CNGB3: variants seen among roughly 807,000 people sequenced by gnomAD.
CNGB3 encodes the protein cyclic nucleotide-gated channel beta-3.
In CNGB3, 86 loss-of-function variants were observed where a neutral mutation model predicts 92.8. The ratio of observed to expected loss-of-function variants is 0.93; its 90% CI spans 0.78 to 1.11. The LOEUF is 1.11. Ranked by LOEUF, CNGB3 falls within the 50% of genes least tolerant of loss-of-function variation. The probability of loss-of-function intolerance (pLI) is 0.00; values close to 1 mark genes in which losing one functional copy is unlikely to be tolerated. For synonymous variants in CNGB3, 333 were observed against 332.7 expected (o/e 1.00, Z -0.01); for missense variants, 1,026 against 956.8 (o/e 1.07, Z -0.95).
intron 6 of CNGB3, among the ~76,000 whole-genome samples, chr8:86,662,104 G>A (rs1034461497): frequency 2.0e-5 from 3 of 152,240 alleles, no homozygotes; most frequent in Non-Finnish European, 4.4e-5. Flanking sequence ...AGCTGAGCAT[G>A]GGGCGCCACT....
intron 15 of CNGB3, among the ~76,000 whole-genome samples, chr8:86,582,017 AATT>A (rs1821795978): frequency 6.6e-6 from 1 of 152,220 alleles, no homozygotes; most frequent in African/African-American, 2.4e-5. Flanking sequence ...AAAACAAAAA[AATT>A]ATAAGGAATT....
In CNGB3 at chr8:86,579,140, G is replaced by A; in HGVS notation, c.1894C>T (p.Pro632Ser). ...TTCATGAGGATCCTTTCAGAATCTGGATAATGCACTAGAATTTCTTGGAGG... is the reference window on the plus strand; with the variant it reads ...TTCATGAGGATCCTTTCAGAATCTGAATAATGCACTAGAATTTCTTGGAGG... ...KTLQEILVHY[P>S]DSERILMKKA... Residue 632 changes from proline (P) to serine (S), a missense_variant, in exon 16 of 18, where the codon CCA becomes TCA. Pro to Ser is a moderately conservative substitution (Grantham distance 74). Coordinates refer to ENST00000320005, the MANE Select transcript of CNGB3 (RefSeq NM_019098.5). The A allele has an allele frequency of 6.2e-7, 1 of 1,614,104 alleles. No individual in the cohort carries two copies. Among genetic ancestry groups the A allele is most frequent in the Non-Finnish European group, 8.5e-7 (1 of 1,180,024 alleles).
rs58954559 is a variant in CNGB3 at position 86,731,489 on chromosome 8, G to A, written c.212-4832C>T. ...AGAAAAAGAACGTGGATCCATCTAA[G>A]TTAGTTTTGTTACTGTGTCAGGATG... On this transcript the variant is annotated intron_variant, in intron 2 of 17. Transcript: ENST00000320005. 8.7e-3 allele frequency among the ~76,000 whole-genome samples: 1,318 copies of A among 152,254 alleles called. 24 individuals are homozygous for A. The highest frequency in any genetic ancestry group is 0.03 in the African/African-American group (1,259 of 41,540).
rs202063704 is a variant in CNGB3, at chr8:86,612,187, G to GA, written c.1579-517dup. On this transcript the variant is annotated intron_variant, in intron 13 of 17. Coordinates refer to ENST00000320005, the MANE Select transcript of CNGB3 (RefSeq NM_019098.5). ...AACTCAATTATCTTCTTAAGGCAGGGAAAAAAAAAGTACACAATAGATACA... is the reference window on the plus strand; with the variant it reads ...AACTCAATTATCTTCTTAAGGCAGGGAAAAAAAAAAGTACACAATAGATACA... Among the ~76,000 whole-genome samples, 16 of 150,144 alleles carry GA rather than the reference G, an allele frequency of 1.1e-4. No individual in the cohort carries two copies. The East Asian group carries it at 2.1e-3, about 20-fold the overall frequency.
At chr8:86,676,168 C>T (rs565183174) in intron 3 of CNGB3, among the ~76,000 whole-genome samples, 29 of 152,206 alleles carry the variant, frequency 1.9e-4, no homozygotes, top group South Asian at 2.1e-4. Flanking sequence ...TTGACGTGCA[C>T]GCAGGGATAA....
At position 86,635,620 on chromosome 8, in the gene CNGB3, T is replaced by C. The variant is rs113739168; in HGVS notation, c.1179-2727A>G. Among the ~76,000 whole-genome samples the C allele has an allele frequency of 7.6e-4, 115 of 151,664 alleles. 1 individual carries two copies. In the South Asian group the frequency reaches 0.012, roughly 16 times the overall value. On this transcript the variant is annotated intron_variant, in intron 10 of 17. Coordinates refer to ENST00000320005, the MANE Select transcript of CNGB3 (RefSeq NM_019098.5). ...CTCAGTCACATCTTACACCTAGACATGCATAACCAAAGGTAAGATTTGTAA... is the reference window on the plus strand; with the variant it reads ...CTCAGTCACATCTTACACCTAGACACGCATAACCAAAGGTAAGATTTGTAA...
At chr8:86,619,113 T>C (rs1822674482) in intron 13 of CNGB3, among the ~76,000 whole-genome samples, 1 of 152,238 alleles carries the variant, frequency 6.6e-6, no homozygotes, top group Non-Finnish European at 1.5e-5. Context: ...TCAATTTTGG[T>C]ATCTCTGGGT....
chr8:86,714,305 T>C (rs550111034), intron 3 of CNGB3, among the ~76,000 whole-genome samples: 1 of 152,248 alleles, frequency 6.6e-6, no homozygotes, highest in South Asian at 2.1e-4. Context: ...TTGGCTTCTT[T>C]TTCTTTTGAG....
At position 86,711,019 on chromosome 8, in the gene CNGB3, C is replaced by T. The variant is rs146036709; in HGVS notation, c.338+15512G>A. ...GACCTATAGCTGTGTTTTGTTGGAT[C>T]TATCATTTGAAATAATTTTAACTTA... On this transcript the variant is annotated intron_variant, in intron 3 of 17. Coordinates refer to ENST00000320005, the MANE Select transcript of CNGB3 (RefSeq NM_019098.5). Among the ~76,000 whole-genome samples the T allele has an allele frequency of 2.2e-4, 34 of 152,266 alleles. 1 individual carries two copies. In the East Asian group the frequency reaches 6.4e-3, roughly 29 times the overall value.
intron 13 of CNGB3, among the ~76,000 whole-genome samples, chr8:86,614,849 G>T (rs1202005364): frequency 7.2e-6 from 1 of 139,734 alleles, no homozygotes; most frequent in East Asian, 2.2e-4. Context: ...GGAACCCCGT[G>T]AGGGCAAGGC....
rs1823750615 is a variant in CNGB3, at chr8:86,666,936, C to T, written c.841G>A (p.Gly281Arg). Residue 281 changes from glycine to arginine, a missense_variant, in exon 6 of 18, where the codon GGA (glycine) becomes AGA (arginine). Gly to Arg is a moderately radical substitution (Grantham distance 125). Coordinates refer to ENST00000320005, the MANE Select transcript of CNGB3 (RefSeq NM_019098.5). ...CGAACCCCACTTACTATTATGTCTCCTCCTCTTACAAACTGGAGTCTGGGC... is the reference window on the plus strand; with the variant it reads ...CGAACCCCACTTACTATTATGTCTCTTCCTCTTACAAACTGGAGTCTGGGC... ...IQPRLQFVRGGDIIVDSNELR... is the reference protein window; with the variant it reads ...IQPRLQFVRGRDIIVDSNELR... 5.0e-6 allele frequency: 8 copies of T among 1,612,224 alleles called. No individual in the cohort carries two copies. The Admixed American group carries it at 8.3e-5, about 17-fold the overall frequency.
intron 3 of CNGB3, among the ~76,000 whole-genome samples, chr8:86,722,271 A>G (rs1368680018): frequency 1.3e-5 from 2 of 152,164 alleles, no homozygotes; most frequent in African/African-American, 4.8e-5. Flanking sequence ...GTGTCCATCA[A>G]AATATATTTT....
intron 3 of CNGB3, among the ~76,000 whole-genome samples, chr8:86,678,593 G>T (rs1200409366): frequency 6.6e-6 from 1 of 152,114 alleles, no homozygotes; most frequent in African/African-American, 2.4e-5. Context: ...CCCCATGTTA[G>T]CCGTCTACTC....
At chr8:86,660,865 G>A (rs943452164) in intron 6 of CNGB3, 3 of 400,518 alleles carry the variant, frequency 7.5e-6, no homozygotes, top group Non-Finnish European at 1.5e-5. Context: ...TCTTCATAAG[G>A]CCAGTTAGCT....
chr8:86,680,137 A>G (rs536385738), intron 3 of CNGB3, among the ~76,000 whole-genome samples: 7 of 152,242 alleles, frequency 4.6e-5, no homozygotes, highest in Non-Finnish European at 7.3e-5. Flanking sequence ...GGGTAAATCT[A>G]TTTTAAGAAG....
At chr8:86,582,649 G>A (rs1044160864) in intron 15 of CNGB3, among the ~76,000 whole-genome samples, 2 of 152,112 alleles carry the variant, frequency 1.3e-5, no homozygotes, top group Admixed American at 1.3e-4. Flanking sequence ...TAAATTAGAA[G>A]CCACACAAGA....
rs1821621010 is a variant in CNGB3 at position 86,574,446 on chromosome 8, A to G, written c.*1358T>C. On this transcript the variant is annotated 3_prime_UTR_variant, in exon 18 of 18. Transcript: ENST00000320005. ...ATCCTGAAAAAACCAACCATCCTTT[A>G]GTAAAACTTGTTATATTTTGTGATA... is the stretch of plus-strand genomic sequence containing the variant. The G allele has an allele frequency of 6.6e-6, 1 of 152,204 alleles. No individual in the cohort carries two copies. The highest frequency in any genetic ancestry group is 1.5e-5 in the Non-Finnish European group (1 of 68,034). The allele number at this position is 152,204 out of a possible 1,614,324, so 9.4% of individuals were successfully genotyped here.
chr8:86,592,783 T>C (rs1822074291), intron 15 of CNGB3, among the ~76,000 whole-genome samples: 1 of 152,208 alleles, frequency 6.6e-6, no homozygotes, highest in African/African-American at 2.4e-5. Context: ...ACTCCAAATA[T>C]TTGTTCTCAT....
In CNGB3 at chr8:86,667,889, TTAAA is replaced by T. The variant is rs751250143; in HGVS notation, c.643+126_643+129del. On this transcript the variant is annotated intron_variant, in intron 5 of 17. Coordinates refer to ENST00000320005, the MANE Select transcript of CNGB3 (RefSeq NM_019098.5). ...AATGATCCTTTGCAGGTTATTTAAT[TTAAA>T]TTCTGCTTCCTAGTTAGATTGAGAA... 458 of 1,030,304 alleles carry T rather than the reference TTAAA, an allele frequency of 4.4e-4. 1 individual carries two copies. The highest frequency in any genetic ancestry group is 1.8e-3 in the Middle Eastern group (9 of 4,868). 63.8% of individuals were successfully genotyped at this position (1,030,304 alleles called of 1,614,324 possible). A position where few individuals can be genotyped will look rare whatever the true frequency, so the allele number is the denominator to read the frequency against.
Sources: gnomAD v4.1 joint callset for allele counts (sites outside exome capture counted in the v4.1 genomes callset) on GRCh38, gnomAD v4.1.1 for gene constraint, MANE v1.5 for transcripts, NCBI Gene and HGNC (gene_info 2026-07-23, HGNC 2026-07-21) for gene names.